CCDC66: variants seen among roughly 807,000 people sequenced by gnomAD.
CCDC66 encodes coiled-coil domain-containing protein 66.
Under a neutral mutation model 128.3 loss-of-function variants are expected in CCDC66, and 133 were observed. The observed-to-expected ratio is 1.04, with a 90% confidence interval of 0.90 to 1.20. The LOEUF is 1.20. Ranked by LOEUF, CCDC66 falls within the 50% of genes most tolerant of loss-of-function variation. CCDC66 has a pLI of 0.00. For synonymous variants in CCDC66, 387 were observed against 357.0 expected (o/e 1.08, Z -0.95); for missense variants, 1,126 against 1,075.5 (o/e 1.05, Z -0.66).
At chr3:56,598,790 C>G (rs868069602) in intron 10 of CCDC66, among the ~76,000 whole-genome samples, 2 of 151,956 alleles carry the variant, frequency 1.3e-5, no homozygotes, top group Admixed American at 6.6e-5. Context: ...TATTAGTTTT[C>G]TCATGTGCTG....
At chr3:56,568,754 T>A (rs1000936217) in intron 6 of CCDC66, among the ~76,000 whole-genome samples, 8 of 152,254 alleles carry the variant, frequency 5.3e-5, no homozygotes, top group African/African-American at 1.9e-4. Context: ...TCAGACAGTA[T>A]GTATTCTAGA....
At chr3:56,583,707 A>C (rs1356065079) in intron 7 of CCDC66, among the ~76,000 whole-genome samples, 2 of 151,912 alleles carry the variant, frequency 1.3e-5, no homozygotes, top group Non-Finnish European at 2.9e-5. Context: ...CTTTCTACAC[A>C]GACACAGCAA....
intron 10 of CCDC66, among the ~76,000 whole-genome samples, chr3:56,607,890 G>T (rs1039629263): frequency 6.6e-6 from 1 of 152,180 alleles, no homozygotes; most frequent in African/African-American, 2.4e-5. Flanking sequence ...CATCTATTGA[G>T]ATGATCATGT....
chr3:56,601,594 C>T (rs1451741406), intron 10 of CCDC66, among the ~76,000 whole-genome samples: 2 of 152,014 alleles, frequency 1.3e-5, no homozygotes, highest in African/African-American at 2.4e-5. Flanking sequence ...ATTAATTCTT[C>T]CTATCCATGA....
chr3:56,575,202 A>G lies in CCDC66; in HGVS notation c.936+3900A>G, dbSNP rs569531582. Among the ~76,000 whole-genome samples, 126 of 151,950 alleles carry G rather than the reference A, an allele frequency of 8.3e-4. 1 individual carries two copies. Among genetic ancestry groups the G allele is most frequent in the Non-Finnish European group, 1.2e-3 (81 of 68,028 alleles). ...GCTTTCCACAGCAGCTGTACCATGT[A>G]TATTTCCATCAGCAGTGCACTGTGT... On this transcript the variant is annotated intron_variant, in intron 7 of 17. Coordinates refer to ENST00000394672, the MANE Select transcript of CCDC66 (RefSeq NM_001141947.3).
At chr3:56,577,375 CTG>C (rs2067560282) in intron 7 of CCDC66, among the ~76,000 whole-genome samples, 1 of 151,778 alleles carries the variant, frequency 6.6e-6, no homozygotes, top group Non-Finnish European at 1.5e-5. Context: ...TGTAGGTTGC[CTG>C]TTTACTCTGA....
At chr3:56,571,856 C>T (rs2066673782) in intron 7 of CCDC66, among the ~76,000 whole-genome samples, 1 of 152,008 alleles carries the variant, frequency 6.6e-6, no homozygotes. Flanking sequence ...ATGGCTGGTA[C>T]TACAGGTGTA....
intron 10 of CCDC66, among the ~76,000 whole-genome samples, chr3:56,606,718 TC>T (rs2074124413): frequency 6.6e-6 from 1 of 152,054 alleles, no homozygotes; most frequent in African/African-American, 2.4e-5. Flanking sequence ...CCGGAGCTCT[TC>T]CTATTCGGCC....
rs769173342 is a variant in CCDC66 at position 56,593,944 on chromosome 3, C to G, written c.1320C>G (p.Asn440Lys). Residue 440 changes from asparagine to lysine, a missense_variant and splice_region_variant, in exon 10 of 18, where the codon AAC (asparagine) becomes AAG (lysine). Physicochemically the swap from Asn to Lys is moderately conservative, Grantham distance 94. Coordinates refer to ENST00000394672, the MANE Select transcript of CCDC66 (RefSeq NM_001141947.3). ...ATAGCTAATGTATGTATCTTGCCAGCTTTCTCCGTTCTATGACTGCTCTCT... is the reference window on the plus strand; with the variant it reads ...ATAGCTAATGTATGTATCTTGCCAGGTTTCTCCGTTCTATGACTGCTCTCT... ...DVVMANSKKT[N>K]FLRSMTALLD... The G allele has an allele frequency of 5.0e-6, 8 of 1,614,120 alleles. No individual in the cohort carries two copies. The highest frequency in any genetic ancestry group is 6.8e-6 in the Non-Finnish European group (8 of 1,179,962).
intron 13 of CCDC66, chr3:56,616,399 T>C (rs532899949): frequency 1.4e-3 from 336 of 245,700 alleles, no homozygotes; most frequent in Non-Finnish European, 2.1e-3. Flanking sequence ...GTTGTGGACA[T>C]TTCACGTAAC....
intron 15 of CCDC66, 123 bp from the exon 16 acceptor site, chr3:56,619,148 C>T (rs868402700): frequency 7.1e-5 from 54 of 761,410 alleles, no homozygotes; most frequent in Non-Finnish European, 1.1e-4. Flanking sequence ...GAGCTGAGAT[C>T]GCGCCACTGC....
Position 56,593,115 on chromosome 3 carries a change from T to C in CCDC66, c.1068+14T>C. 6.5e-7 allele frequency: 1 copy of C among 1,543,230 alleles called. No individual in the cohort carries two copies. Among genetic ancestry groups the C allele is most frequent in the Non-Finnish European group, 8.8e-7 (1 of 1,140,970 alleles). ...ATATATTCAAAGGTAACTTATGAGG[T>C]TTTGTGGCTATAAAAGAAAAAATAA... On this transcript the variant is annotated intron_variant, in intron 8 of 17. Transcript: ENST00000394672.
chr3:56,582,995 A>C (rs2068702203), intron 7 of CCDC66, among the ~76,000 whole-genome samples: 1 of 150,928 alleles, frequency 6.6e-6, no homozygotes, highest in Non-Finnish European at 1.5e-5. Context: ...CTCCCATCTC[A>C]GCCTTACAAG....
At chr3:56,602,754 T>G (rs140364365) in intron 10 of CCDC66, among the ~76,000 whole-genome samples, 4,104 of 151,932 alleles carry the variant, frequency 0.027, 134 homozygotes, top group African/African-American at 0.064. Context: ...ATTTTCTAGT[T>G]TATTTGTGTA....
chr3:56,603,237 C>G (rs1346520096), intron 10 of CCDC66, among the ~76,000 whole-genome samples: 1 of 152,012 alleles, frequency 6.6e-6, no homozygotes, highest in Non-Finnish European at 1.5e-5. Flanking sequence ...AAAAAGCCAG[C>G]TCCTGGATTC....
chr3:56,558,082 G>C (rs919790555), intron 1 of CCDC66: 1 of 152,196 alleles, frequency 6.6e-6, no homozygotes, highest in African/African-American at 2.4e-5. Flanking sequence ...ACCTTTAATA[G>C]TTAAGGTGAG....
chr3:56,606,064 TAC>T (rs770704726), intron 10 of CCDC66, among the ~76,000 whole-genome samples: 28 of 152,042 alleles, frequency 1.8e-4, no homozygotes, highest in Non-Finnish European at 3.1e-4. Flanking sequence ...CCGCTTTGTT[TAC>T]ACTATGAGGG....
intron 7 of CCDC66, among the ~76,000 whole-genome samples, chr3:56,589,281 A>T (rs1359867422): frequency 1.3e-5 from 2 of 152,198 alleles, no homozygotes; most frequent in Non-Finnish European, 2.9e-5. Context: ...TATCTTTATT[A>T]ATGAAATTGA....
intron 10 of CCDC66, among the ~76,000 whole-genome samples, chr3:56,607,003 G>A (rs2074169197): frequency 6.6e-6 from 1 of 152,078 alleles, no homozygotes; most frequent in Admixed American, 6.6e-5. Context: ...TGGTCTATGT[G>A]CCTATTTTTA....
Sources: allele counts gnomAD v4.1 joint callset (sites outside exome capture counted in the v4.1 genomes callset), GRCh38; gene constraint gnomAD v4.1.1; transcripts MANE v1.5; gene names NCBI Gene and HGNC (gene_info 2026-07-23, HGNC 2026-07-21).